Variants in ZNF503 observed in about 807,000 individuals in gnomAD.
The protein encoded by ZNF503 is zinc finger protein 503.
A neutral mutation model predicts 34.4 loss-of-function variants in ZNF503; 15 were observed. That is an observed-to-expected ratio of 0.44 (90% CI 0.29 to 0.67). The LOEUF (loss-of-function observed/expected upper bound fraction) is 0.67. ZNF503 is among the 30% of genes least tolerant of loss of function. The pLI is 0.13. For missense variants in ZNF503, 1,007 were observed against 926.8 expected (o/e 1.09, Z -1.12); for synonymous variants, 580 against 456.8 (o/e 1.27, Z -3.44).
the ZNF503 span, among the ~76,000 whole-genome samples, chr10:75,364,458 G>A: frequency 6.6e-6 from 1 of 152,190 alleles, no homozygotes; most frequent in Admixed American, 6.5e-5. Context: ...ACAGCCTTGA[G>A]GTGGTCACTG....
At position 75,400,087 on chromosome 10, in the gene ZNF503, GCCGCCCCCGCCA is replaced by G. The variant is rs1416355858; in HGVS notation, c.591_602del (p.Gly201_Gly204del). 1.7e-5 allele frequency: 14 copies of G among 802,676 alleles called. No individual in the cohort carries two copies. Among genetic ancestry groups the G allele is most frequent in the Non-Finnish European group, 2.5e-5 (14 of 567,970 alleles). 49.7% of individuals were successfully genotyped at this position (802,676 alleles called of 1,614,324 possible). On this transcript the variant is annotated inframe_deletion, in exon 2 of 2. Coordinates refer to ENST00000372524, the MANE Select transcript of ZNF503 (RefSeq NM_032772.6). ...ACTTCTCCGACGAAACACCCCCGCC[GCCGCCCCCGCCA>G]CCGCCACCGCCTCCACCGCCGCCTC...
At chr10:75,345,151 C>T in the ZNF503 span, among the ~76,000 whole-genome samples, 1 of 152,104 alleles carries the variant, frequency 6.6e-6, no homozygotes, top group Non-Finnish European at 1.5e-5. Context: ...AGGGATGTGA[C>T]AAGGAATGCT....
At chr10:75,289,717 C>G in the ZNF503 span, among the ~76,000 whole-genome samples, 1 of 152,102 alleles carries the variant, frequency 6.6e-6, no homozygotes, top group Non-Finnish European at 1.5e-5. Flanking sequence ...TCCCAAGTAG[C>G]TGGGACTGCA....
chr10:75,384,919 G>T, the ZNF503 span, among the ~76,000 whole-genome samples: 1 of 152,208 alleles, frequency 6.6e-6, no homozygotes, highest in Admixed American at 6.5e-5. Flanking sequence ...GTCTGATGTT[G>T]TTCCTCACAA....
chr10:75,334,075 C>G, the ZNF503 span, among the ~76,000 whole-genome samples: 1 of 139,452 alleles, frequency 7.2e-6, no homozygotes, highest in Non-Finnish European at 1.5e-5. Context: ...GGCAGAGGGG[C>G]TCCTCACATC....
chr10:75,345,042 T>A, the ZNF503 span, among the ~76,000 whole-genome samples: 1 of 152,186 alleles, frequency 6.6e-6, no homozygotes, highest in East Asian at 1.9e-4. Context: ...TGCAATGGAG[T>A]ACCTGGTAAG....
chr10:75,329,010 G>C, the ZNF503 span, among the ~76,000 whole-genome samples: 1 of 152,088 alleles, frequency 6.6e-6, no homozygotes. Context: ...GCCTCCCAAA[G>C]TGCTGGGATT....
chr10:75,367,636 T>C, the ZNF503 span, among the ~76,000 whole-genome samples: 4 of 152,166 alleles, frequency 2.6e-5, no homozygotes, highest in Admixed American at 2.6e-4. Flanking sequence ...CCTCTTGACA[T>C]GAAAAGAGGC....
the ZNF503 span, among the ~76,000 whole-genome samples, chr10:75,306,787 G>T: frequency 1.3e-5 from 2 of 151,992 alleles, no homozygotes; most frequent in African/African-American, 2.4e-5. Context: ...CTGTTATGGC[G>T]ATCTGTGATC....
the ZNF503 span, among the ~76,000 whole-genome samples, chr10:75,388,984 T>C: frequency 6.6e-6 from 1 of 152,182 alleles, no homozygotes; most frequent in Non-Finnish European, 1.5e-5. Flanking sequence ...ACAGCTTTCA[T>C]TAATTGTCAA....
At chr10:75,375,678 G>A in the ZNF503 span, among the ~76,000 whole-genome samples, 5 of 152,072 alleles carry the variant, frequency 3.3e-5, no homozygotes, top group Non-Finnish European at 5.9e-5. Context: ...CACCACACCC[G>A]GCTAATTTTT....
chr10:75,382,423 ACTAT>A, the ZNF503 span: 1 of 428,632 alleles, frequency 2.3e-6, no homozygotes, highest in South Asian at 2.0e-5. Flanking sequence ...CATGTCGGAG[ACTAT>A]CTGTTTCCAT....
At chr10:75,394,224 G>A (rs540454026), downstream of ZNF503, among the ~76,000 whole-genome samples, 3 of 152,270 alleles carry the variant, frequency 2.0e-5, no homozygotes, top group Non-Finnish European at 4.4e-5. Context: ...GAGGTGTGTT[G>A]TACAGATTAT....
the ZNF503 span, among the ~76,000 whole-genome samples, chr10:75,294,622 C>T: frequency 6.6e-6 from 1 of 152,038 alleles, no homozygotes; most frequent in Non-Finnish European, 1.5e-5. Context: ...CCTCACTTGA[C>T]CTCTGAGAGG....
the ZNF503 span, among the ~76,000 whole-genome samples, chr10:75,324,616 T>C: frequency 1.3e-5 from 2 of 152,226 alleles, no homozygotes; most frequent in African/African-American, 4.8e-5. Flanking sequence ...CGTGAGCCAC[T>C]GCATCCAGCC....
the ZNF503 span, among the ~76,000 whole-genome samples, chr10:75,385,841 C>G: frequency 6.6e-6 from 1 of 152,178 alleles, no homozygotes; most frequent in Non-Finnish European, 1.5e-5. Context: ...TCAGCCTCCA[C>G]CCTTACTCTA....
At chr10:75,326,195 T>A in the ZNF503 span, among the ~76,000 whole-genome samples, 1 of 152,254 alleles carries the variant, frequency 6.6e-6, no homozygotes, top group African/African-American at 2.4e-5. Flanking sequence ...CCCTGCATCT[T>A]ATGACCTTGC....
chr10:75,307,795 A>G, the ZNF503 span, among the ~76,000 whole-genome samples: 1 of 152,200 alleles, frequency 6.6e-6, no homozygotes, highest in Non-Finnish European at 1.5e-5. Context: ...GAATTATGGT[A>G]GGCCAGGCAT....
At chr10:75,312,937 C>T in the ZNF503 span, among the ~76,000 whole-genome samples, 30,296 of 151,986 alleles carry the variant, frequency 0.2, 3,236 homozygotes, top group African/African-American at 0.25. Flanking sequence ...ATAAGTCTCG[C>T]GAAATCTGAT....
Sources: allele counts gnomAD v4.1 joint callset (sites outside exome capture counted in the v4.1 genomes callset), GRCh38; gene constraint gnomAD v4.1.1; transcripts MANE v1.5; gene names NCBI Gene and HGNC (gene_info 2026-07-23, HGNC 2026-07-21).